The following RGS7 variants were observed in gnomAD, a reference collection of about 807,000 sequenced individuals.
RGS7 encodes the protein regulator of G-protein signaling 7.
RGS7 carries 27 observed loss-of-function variants against 81.1 expected under a neutral mutation model. The ratio of observed to expected loss-of-function variants is 0.33; its 90% CI spans 0.25 to 0.46. RGS7 has a LOEUF of 0.46. RGS7 is among the 20% of genes least tolerant of loss of function. The pLI is 1.00. For synonymous variants in RGS7, 208 were observed against 207.7 expected (o/e 1.00, Z -0.01); for missense variants, 396 against 607.4 (o/e 0.65, Z 3.66).
chr1:241,263,676 A>C (rs7540523), intron 2 of RGS7, among the ~76,000 whole-genome samples: 112,791 of 152,146 alleles, frequency 0.74, 41,891 homozygotes, highest in Admixed American at 0.83. Flanking sequence ...CATTATACAC[A>C]ATTTATATGC....
At chr1:240,787,707 C>A (rs1158344813) in intron 18 of RGS7, among the ~76,000 whole-genome samples, 3 of 152,000 alleles carry the variant, frequency 2.0e-5, no homozygotes, top group Non-Finnish European at 4.4e-5. Context: ...TAAAAATGAG[C>A]TATAACTCAC....
At chr1:241,290,039 T>C (rs1290061710) in intron 2 of RGS7, among the ~76,000 whole-genome samples, 1 of 152,248 alleles carries the variant, frequency 6.6e-6, no homozygotes, top group East Asian at 1.9e-4. Context: ...AAAGCAGTAC[T>C]ACACTTTCTA....
At chr1:241,270,276 G>A (rs1442831475) in intron 2 of RGS7, among the ~76,000 whole-genome samples, 2 of 152,066 alleles carry the variant, frequency 1.3e-5, no homozygotes, top group Non-Finnish European at 1.5e-5. Flanking sequence ...GGTGGAGTGG[G>A]GCTCTCGGTC....
chr1:241,091,252 C>CA (rs2063850627), intron 3 of RGS7, among the ~76,000 whole-genome samples: 1 of 152,110 alleles, frequency 6.6e-6, no homozygotes, highest in Admixed American at 6.6e-5. Flanking sequence ...CAGATGTCAT[C>CA]AAAATAATAA....
At chr1:240,826,186 G>A (rs935709262) in intron 10 of RGS7, among the ~76,000 whole-genome samples, 1 of 152,156 alleles carries the variant, frequency 6.6e-6, no homozygotes, top group African/African-American at 2.4e-5. Context: ...AAGCATTTGA[G>A]CACCGCATCC....
chr1:241,266,092 C>A (rs2077580004), intron 2 of RGS7, among the ~76,000 whole-genome samples: 1 of 152,136 alleles, frequency 6.6e-6, no homozygotes, highest in Non-Finnish European at 1.5e-5. Context: ...CCGCGCCTGG[C>A]CTCCCTGCTT....
rs150142511 is a variant in RGS7 at position 241,198,980 on chromosome 1, CCAAA to C, written c.79-100222_79-100219del. On this transcript the variant is annotated intron_variant, in intron 2 of 18. Coordinates refer to ENST00000440928, the MANE Select transcript of RGS7 (RefSeq NM_001364886.1). The stretch of plus-strand genomic sequence containing the variant: ...AATATAGAAAAAAGATAATATACAA[CCAAA>C]CAGCCTAGTTCGGTTTATTCCAAGA... 6.0e-3 allele frequency among the ~76,000 whole-genome samples: 913 copies of C among 152,096 alleles called. 11 individuals are homozygous for C. The highest frequency in any genetic ancestry group is 0.021 in the African/African-American group (873 of 41,504).
chr1:240,933,326 C>T (rs1676030722), intron 5 of RGS7, among the ~76,000 whole-genome samples: 2 of 151,958 alleles, frequency 1.3e-5, no homozygotes, highest in Admixed American at 6.6e-5. Flanking sequence ...TCTACTCAGA[C>T]AAGACATATA....
At chr1:241,326,770 C>T (rs994322665) in intron 2 of RGS7, among the ~76,000 whole-genome samples, 2 of 150,398 alleles carry the variant, frequency 1.3e-5, no homozygotes, top group Non-Finnish European at 3.0e-5. Context: ...ATGTTGAAAC[C>T]CATCTGGCAC....
At chr1:241,219,410 T>G (rs924598174) in intron 2 of RGS7, among the ~76,000 whole-genome samples, 2 of 152,220 alleles carry the variant, frequency 1.3e-5, no homozygotes, top group Non-Finnish European at 2.9e-5. Context: ...CCCAGTCACA[T>G]GGAACTGTAA....
intron 3 of RGS7, among the ~76,000 whole-genome samples, chr1:241,074,530 G>C (rs2062681218): frequency 1.3e-5 from 2 of 152,182 alleles, no homozygotes; most frequent in South Asian, 4.1e-4. Context: ...CAATTGTTAG[G>C]TTCTTCCCTC....
intron 3 of RGS7, among the ~76,000 whole-genome samples, chr1:240,987,283 A>G (rs1685804164): frequency 6.6e-6 from 1 of 152,210 alleles, no homozygotes; most frequent in African/African-American, 2.4e-5. Context: ...ATTTTCAGCT[A>G]AAGACATTAG....
chr1:240,845,916 A>G (rs1043239815), intron 9 of RGS7, among the ~76,000 whole-genome samples: 1 of 152,328 alleles, frequency 6.6e-6, no homozygotes, highest in East Asian at 1.9e-4. Context: ...CTGTTGCCTC[A>G]TCTCTGGCCA....
intron 2 of RGS7, among the ~76,000 whole-genome samples, chr1:241,140,277 C>T (rs1285599976): frequency 3.3e-5 from 5 of 152,154 alleles, no homozygotes; most frequent in African/African-American, 1.2e-4. Context: ...GGGCTGAATA[C>T]ACTTGAAAGC....
At chr1:241,008,290 T>C (rs2058778463) in intron 3 of RGS7, among the ~76,000 whole-genome samples, 1 of 152,206 alleles carries the variant, frequency 6.6e-6, no homozygotes, top group African/African-American at 2.4e-5. Flanking sequence ...TAAAACTCTA[T>C]TTTTTCTCCT....
chr1:241,234,790 G>A (rs944293275), intron 2 of RGS7, among the ~76,000 whole-genome samples: 1 of 151,840 alleles, frequency 6.6e-6, no homozygotes, highest in Non-Finnish European at 1.5e-5. Context: ...ACCTGGTGCT[G>A]TGCCAAACAC....
At chr1:240,971,810 C>A (rs6682084) in intron 4 of RGS7, among the ~76,000 whole-genome samples, 62,852 of 151,894 alleles carry the variant, frequency 0.41, 13,539 homozygotes, top group South Asian at 0.49. Flanking sequence ...GATAATAAAG[C>A]GGTCATTTTT....
At chr1:240,957,500 A>G (rs1338709288) in intron 4 of RGS7, among the ~76,000 whole-genome samples, 7 of 152,178 alleles carry the variant, frequency 4.6e-5, no homozygotes, top group Admixed American at 2.6e-4. Flanking sequence ...TCACATATAC[A>G]TCTTTCTATT....
chr1:241,356,795 G>GCCCGCGGACGCT (rs977468681), intron 1 of RGS7, 104 bp downstream of exon 1: 10 of 149,762 alleles, frequency 6.7e-5, no homozygotes, highest in Admixed American at 1.3e-4. Context: ...GCCGCCCTGC[G>GCCCGCGGACGCT]CCCGCGGACG....
Sources: allele counts gnomAD v4.1 joint callset (sites outside exome capture counted in the v4.1 genomes callset), GRCh38; gene constraint gnomAD v4.1.1; transcripts MANE v1.5; gene names NCBI Gene and HGNC (gene_info 2026-07-23, HGNC 2026-07-21).